Variants in TMEM132B observed in about 807,000 individuals in gnomAD.
TMEM132B encodes transmembrane protein 132B.
In TMEM132B, 18 loss-of-function variants were observed where a neutral mutation model predicts 90.8. That is an observed-to-expected ratio of 0.20 (90% CI 0.14 to 0.29). The LOEUF (loss-of-function observed/expected upper bound fraction) is 0.29, where lower values mean the gene tolerates loss of function less well. Among genes scored for constraint, TMEM132B ranks in the 10% least tolerant of loss-of-function variants. The pLI is 1.00. For missense variants in TMEM132B, 1,096 were observed against 1,326.8 expected, an observed-to-expected ratio of 0.83 and a Z score of 2.70; for synonymous variants, 504 against 523.3, an observed-to-expected ratio of 0.96 and a Z score of 0.50.
At chr12:125,607,845 C>T (rs1429858978) in intron 5 of TMEM132B, among the ~76,000 whole-genome samples, 8 of 152,136 alleles carry the variant, frequency 5.3e-5, no homozygotes, top group South Asian at 4.1e-4. Context: ...TTCATATAAA[C>T]GGAATCATAC....
intron 4 of TMEM132B, among the ~76,000 whole-genome samples, chr12:125,538,691 G>T (rs764511322): frequency 2.0e-4 from 30 of 152,150 alleles, no homozygotes; most frequent in Admixed American, 7.9e-4. Context: ...AGAGGCATTC[G>T]TTTTTGAAAA....
chr12:125,540,440 G>T lies in TMEM132B; in HGVS notation c.1293+20815G>T, dbSNP rs553182470. On this transcript the variant is annotated intron_variant, in intron 4 of 8. Coordinates refer to ENST00000682704, the MANE Select transcript of TMEM132B (RefSeq NM_001366854.1). Reference sequence around the variant, plus strand: ...TCCTACTATTGTTGGAGATTTGTCTGTTTTTTGTTGTAGTTCTATCAGATT... The same window carrying T: ...TCCTACTATTGTTGGAGATTTGTCTTTTTTTTGTTGTAGTTCTATCAGATT... Among the ~76,000 whole-genome samples, 323 of 152,224 alleles carry T rather than the reference G, an allele frequency of 2.1e-3. 3 individuals carry two copies. The highest frequency in any genetic ancestry group is 0.014 in the Middle Eastern group (4 of 294).
chr12:125,299,176 C>A (rs962869822), intron 1 of TMEM132B, among the ~76,000 whole-genome samples: 3 of 152,306 alleles, frequency 2.0e-5, no homozygotes, highest in African/African-American at 7.2e-5. Flanking sequence ...TTACCTTGTT[C>A]TCTCTTGAAC....
intron 5 of TMEM132B, among the ~76,000 whole-genome samples, chr12:125,595,251 C>T (rs1885413912): frequency 6.6e-6 from 1 of 152,192 alleles, no homozygotes; most frequent in African/African-American, 2.4e-5. Context: ...GTCACTAGCA[C>T]TGCACCTGGC....
At chr12:125,432,619 A>G (rs1880575006) in intron 3 of TMEM132B, among the ~76,000 whole-genome samples, 1 of 148,854 alleles carries the variant, frequency 6.7e-6, no homozygotes, top group African/African-American at 2.5e-5. Context: ...TGCCTAGCCA[A>G]GGGATGGGGC....
chr12:125,402,857 A>G (rs325094), intron 2 of TMEM132B, among the ~76,000 whole-genome samples: 69,423 of 151,844 alleles, frequency 0.46, 16,762 homozygotes, highest in East Asian at 0.88. Flanking sequence ...TGGAAAATAC[A>G]TATAATTTTT....
At chr12:125,230,440 C>G (rs1041248094) in intron 1 of TMEM132B, among the ~76,000 whole-genome samples, 2 of 151,970 alleles carry the variant, frequency 1.3e-5, no homozygotes, top group African/African-American at 2.4e-5. Context: ...CAACTGGAAG[C>G]TCTGCAGGTG....
chr12:125,435,267 C>A (rs1380306380), intron 3 of TMEM132B, among the ~76,000 whole-genome samples: 1 of 152,194 alleles, frequency 6.6e-6, no homozygotes, highest in African/African-American at 2.4e-5. Context: ...ACAAGGCAGA[C>A]CTTTGATCCC....
At chr12:125,191,156 CAG>C (rs1173084838) in intron 1 of TMEM132B, among the ~76,000 whole-genome samples, 17 of 67,366 alleles carry the variant, frequency 2.5e-4, no homozygotes, top group Non-Finnish European at 3.8e-4. Context: ...GTGATGGTGA[CAG>C]GGAAGGGGTG....
chr12:125,590,616 T>A (rs1205250777), intron 5 of TMEM132B, among the ~76,000 whole-genome samples: 1 of 152,212 alleles, frequency 6.6e-6, no homozygotes, highest in Admixed American at 6.5e-5. Flanking sequence ...AAATACTTCC[T>A]AATCATCCAC....
intron 1 of TMEM132B, among the ~76,000 whole-genome samples, chr12:125,342,079 C>T (rs1877198936): frequency 6.6e-6 from 1 of 152,068 alleles, no homozygotes; most frequent in African/African-American, 2.4e-5. Flanking sequence ...TTTCATGATA[C>T]TTAAAGCCAT....
chr12:125,334,167 T>C (rs750608948), intron 1 of TMEM132B, among the ~76,000 whole-genome samples: 6 of 152,234 alleles, frequency 3.9e-5, no homozygotes, highest in Non-Finnish European at 7.3e-5. Context: ...TTACCATTTA[T>C]CTTTTTATTA....
At chr12:125,265,100 A>AT (rs1874655746) in intron 1 of TMEM132B, among the ~76,000 whole-genome samples, 1 of 152,198 alleles carries the variant, frequency 6.6e-6, no homozygotes, top group Non-Finnish European at 1.5e-5. Flanking sequence ...AGGGATAAGC[A>AT]TTTGTGTATG....
intron 4 of TMEM132B, among the ~76,000 whole-genome samples, chr12:125,570,441 C>T (rs1181591158): frequency 1.3e-5 from 2 of 152,210 alleles, no homozygotes; most frequent in Admixed American, 6.5e-5. Flanking sequence ...GGATAAAGCT[C>T]ATCCCCAACA....
intron 1 of TMEM132B, among the ~76,000 whole-genome samples, chr12:125,215,858 C>A (rs1873426774): frequency 1.3e-5 from 2 of 152,206 alleles, no homozygotes; most frequent in Non-Finnish European, 2.9e-5. Context: ...TTATAAAGAC[C>A]CTTACACTGG....
At chr12:125,390,920 T>A (rs1147246) in intron 2 of TMEM132B, among the ~76,000 whole-genome samples, 1 of 152,044 alleles carries the variant, frequency 6.6e-6, no homozygotes, top group Non-Finnish European at 1.5e-5. Context: ...GGGTTTGGAG[T>A]GATTTGTCAT....
chr12:125,512,289 T>A (rs1051922590), intron 3 of TMEM132B, among the ~76,000 whole-genome samples: 1 of 152,204 alleles, frequency 6.6e-6, no homozygotes, highest in Non-Finnish European at 1.5e-5. Context: ...TAGTGTTGCC[T>A]AACCTTCTCC....
chr12:125,389,125 T>C (rs1302094254), intron 2 of TMEM132B, among the ~76,000 whole-genome samples: 1 of 151,768 alleles, frequency 6.6e-6, no homozygotes, highest in East Asian at 1.9e-4. Flanking sequence ...GCAAGACAGA[T>C]AAAAGTCCTC....
intron 3 of TMEM132B, among the ~76,000 whole-genome samples, chr12:125,472,311 G>C (rs541095934): frequency 1.3e-5 from 2 of 152,188 alleles, no homozygotes; most frequent in African/African-American, 4.8e-5. Flanking sequence ...CTGACTTCTT[G>C]TTGTGATAAT....
Sources: gnomAD v4.1 joint callset for allele counts (sites outside exome capture counted in the v4.1 genomes callset) on GRCh38, gnomAD v4.1.1 for gene constraint, MANE v1.5 for transcripts, NCBI Gene and HGNC (gene_info 2026-07-23, HGNC 2026-07-21) for gene names.